Variants in APC2 observed in about 807,000 individuals in gnomAD.
The protein encoded by APC2 is adenomatous polyposis coli protein 2.
APC2 carries 41 observed loss-of-function variants against 72.5 expected under a neutral mutation model. The observed-to-expected ratio is 0.57, with a 90% CI of 0.44 to 0.73. The LOEUF is 0.73. Ranked by LOEUF, APC2 falls within the 30% of genes least tolerant of loss-of-function variation. The pLI, the probability that APC2 is intolerant of heterozygous loss-of-function variation, is 0.00. For synonymous variants in APC2, 1,898 were observed against 1,612.0 expected (o/e 1.18, Z -4.25); for missense variants, 3,729 against 3,403.4 (o/e 1.10, Z -2.38).
At chr19:1,462,269 TC>T in intron 14 of APC2, 92 bp downstream of exon 14, 1 of 1,166,176 alleles carries the variant, frequency 8.6e-7, no homozygotes, top group South Asian at 1.5e-5. Context: ...GAATGCATGC[TC>T]CCAAGGCTTC....
rs371045101 is a variant in APC2 at position 1,468,667 on chromosome 19, G to A, written c.5366G>A (p.Arg1789Gln). The A allele has an allele frequency of 1.5e-5, 23 of 1,579,950 alleles. No individual in the cohort carries two copies. Among genetic ancestry groups the A allele is most frequent in the East Asian group, 9.3e-5 (4 of 42,794 alleles). The change falls in exon 15 of 15, where the codon CGG becomes CAG. Residue 1789 changes from arginine (R) to glutamine (Q), a missense_variant. By Grantham distance (43) the Arg-to-Gln change is conservative (BLOSUM62 1). Transcript: ENST00000590469. Reference sequence around the variant, plus strand: ...ACGCCCGGGGTGCCAGCTGTGCTCCGGGGACGAACAGTGATCTACGTCCCC... The same window carrying A: ...ACGCCCGGGGTGCCAGCTGTGCTCCAGGGACGAACAGTGATCTACGTCCCC... ...KTTPGVPAVL[R>Q]GRTVIYVPSP...
At chr19:1,463,941 G>A (rs1408239460) in intron 14 of APC2, among the ~76,000 whole-genome samples, 3 of 152,184 alleles carry the variant, frequency 2.0e-5, no homozygotes, top group East Asian at 1.9e-4. Flanking sequence ...TTGGGAGGCC[G>A]AGGTGGGCGG....
upstream of APC2, among the ~76,000 whole-genome samples, chr19:1,446,543 C>T (rs2083689038): frequency 6.6e-6 from 1 of 151,852 alleles, no homozygotes; most frequent in Non-Finnish European, 1.5e-5. This position sits in a 1 kb window ranked among gnomAD's most constrained non-coding sequence, Gnocchi z 6.1. Context: ...GGATGGAAGC[C>T]CCTCTCGTGC....
chr19:1,457,936 G>C, intron 9 of APC2, 29 bp from the exon 10 acceptor site: 1 of 1,521,680 alleles, frequency 6.6e-7, no homozygotes. Context: ...CTGGGAATGG[G>C]GGCTCTGATC....
In APC2 at chr19:1,467,357, T is replaced by C; in HGVS notation, c.4056T>C (p.Pro1352=). 2 of 1,467,912 alleles carry C rather than the reference T, an allele frequency of 1.4e-6. No homozygotes were observed. The highest frequency in any genetic ancestry group is 1.8e-6 in the Non-Finnish European group (2 of 1,114,174). 90.9% of individuals were successfully genotyped at this position (1,467,912 alleles called of 1,614,324 possible). A position where few individuals can be genotyped will look rare whatever the true frequency, so the allele number is the denominator to read the frequency against. Residue 1352 remains proline (P), a synonymous_variant, in exon 15 of 15, where the codon CCT becomes CCC. Transcript: ENST00000590469. Reference sequence around the variant, plus strand: ...GGGAGTGCCTGGGAGCCGCCGTGCCTGCCCGGCTGCGCAAGGTGGCCTCCG... The same window carrying C: ...GGGAGTGCCTGGGAGCCGCCGTGCCCGCCCGGCTGCGCAAGGTGGCCTCCG... ...LLRECLGAAV[P]ARLRKVASAL...
At chr19:1,447,647 G>A (rs1012331127), upstream of APC2, among the ~76,000 whole-genome samples, 3 of 151,304 alleles carry the variant, frequency 2.0e-5, no homozygotes, top group African/African-American at 7.3e-5. Context: ...TTACAGGGTC[G>A]AGGATTTTAG....
chr19:1,458,255 G>A (rs2083869504), intron 10 of APC2, 195 bp downstream of exon 10: 3 of 605,052 alleles, frequency 5.0e-6, no homozygotes, highest in Non-Finnish European at 8.8e-6. Context: ...GTCCCCATGA[G>A]CTGCGTGTGG....
Position 1,457,023 on chromosome 19 carries a change from G to A in APC2, c.987G>A (p.Gly329=). 1 of 1,527,682 alleles carries A rather than the reference G, an allele frequency of 6.5e-7. No individual in the cohort carries two copies. Among genetic ancestry groups the A allele is most frequent in the Non-Finnish European group, 8.7e-7 (1 of 1,143,740 alleles). The allele number at this position is 1,527,682 out of a possible 1,614,324, so 94.6% of individuals were successfully genotyped here. A position where few individuals can be genotyped will look rare whatever the true frequency, so the allele number is the denominator to read the frequency against. ...QILHGTEAAA[G]GRAGAPGAPG... is the part of the protein sequence containing the mutation. ...TCCACGGCACCGAGGCCGCGGCCGG[G>A]GGTCGCGCCGGGGCCCCAGGGGCAC... The change falls in exon 9 of 15, where the codon GGG becomes GGA. Residue 329 remains glycine (G), a synonymous_variant. Transcript: ENST00000590469.
chr19:1,462,736 C>T (rs552152564), intron 14 of APC2, among the ~76,000 whole-genome samples: 27 of 150,544 alleles, frequency 1.8e-4, no homozygotes, highest in African/African-American at 2.5e-4. Flanking sequence ...TTTGGGAGGC[C>T]GAGGCGGGCG....
chr19:1,457,433 GC>G, intron 9 of APC2, 190 bp downstream of exon 9: 1 of 815,482 alleles, frequency 1.2e-6, no homozygotes, highest in Non-Finnish European at 1.8e-6. Context: ...ATCGTACCTG[GC>G]GCAGAGTAAA....
At position 1,470,017 on chromosome 19, in the gene APC2, C is replaced by T; in HGVS notation, c.6716C>T (p.Pro2239Leu). 1 of 1,552,344 alleles carries T rather than the reference C, an allele frequency of 6.4e-7. No homozygotes were observed. Among genetic ancestry groups the T allele is most frequent in the Middle Eastern group, 1.7e-4 (1 of 5,974 alleles). ...GACGGTCCCAGCCTCGCCAAGGCTC[C>T]CATCTCCGCACCCTTCGTGCACGAG... is the stretch of plus-strand genomic sequence containing the variant. ...DVDGPSLAKA[P>L]ISAPFVHEGL... The change falls in exon 15 of 15, where the codon CCC (proline) becomes CTC (leucine). Residue 2239 changes from proline (P) to leucine (L), a missense_variant. Pro to Leu is a moderately conservative substitution (Grantham distance 98, BLOSUM62 -3). Coordinates refer to ENST00000590469, the MANE Select transcript of APC2 (RefSeq NM_005883.3).
At position 1,467,989 on chromosome 19, in the gene APC2, G is replaced by A. The variant is rs771701939; in HGVS notation, c.4688G>A (p.Arg1563Gln). ...GCACCAGCTGCCCCGCCGCCCGCCC[G>A]GACCCAGCCCAGCCTCATTGCTGAC... is the stretch of plus-strand genomic sequence containing the variant. Reference protein sequence around the residue: ...KAAPAAPPPARTQPSLIADET... With the variant: ...KAAPAAPPPAQTQPSLIADET... The change falls in exon 15 of 15, where the codon CGG (arginine) becomes CAG (glutamine). Residue 1563 changes from arginine to glutamine, a missense_variant. Physicochemically the swap from Arg to Gln is conservative, Grantham distance 43 (BLOSUM62 1). Transcript: ENST00000590469. The A allele has an allele frequency of 1.4e-5, 22 of 1,581,260 alleles. No homozygotes were observed. The highest frequency in any genetic ancestry group is 2.2e-5 in the South Asian group (2 of 89,278).
chr19:1,460,984 G>C (rs963731716), intron 12 of APC2, 53 bp from the exon 13 acceptor site: 3 of 1,606,102 alleles, frequency 1.9e-6, no homozygotes, highest in Non-Finnish European at 1.7e-6. Flanking sequence ...TTGCTGGGGG[G>C]TTTGGGGGGC....
rs1325047379 is a variant in APC2, at chr19:1,461,813, C to G, written c.1639-150C>G. The G allele has an allele frequency of 6.1e-6, 4 of 658,708 alleles. No homozygotes were observed. The South Asian group carries it at 8.0e-5, about 13-fold the overall frequency. 40.8% of individuals were successfully genotyped at this position (658,708 alleles called of 1,614,324 possible). ...CCTGCAGTGAGTCGAGATCTCGCCA[C>G]TGCACTCCAGCCTGGGGGAGAGAGT... On this transcript the variant is annotated intron_variant, in intron 13 of 14. Coordinates refer to ENST00000590469, the MANE Select transcript of APC2 (RefSeq NM_005883.3).
chr19:1,464,431 C>T (rs1188611818), intron 14 of APC2, among the ~76,000 whole-genome samples: 2 of 152,034 alleles, frequency 1.3e-5, no homozygotes, highest in Non-Finnish European at 2.9e-5. Flanking sequence ...TGGCTCACGC[C>T]TGTAATCCCA....
At chr19:1,461,267 T>G in intron 13 of APC2, 114 bp downstream of exon 13, 1 of 907,518 alleles carries the variant, frequency 1.1e-6, no homozygotes, top group Non-Finnish European at 1.8e-6. Flanking sequence ...GCTCACTGCT[T>G]AGCGGGTGGT....
chr19:1,456,902 A>T lies in APC2; in HGVS notation c.866A>T (p.Glu289Val). Residue 289 changes from glutamate (E) to valine (V), a missense_variant, in exon 9 of 15, where the codon GAG becomes GTG. By Grantham distance (121) the Glu-to-Val change is moderately radical. Transcript: ENST00000590469. ...LLSMLATRDQ[E>V]DTARTLLAMS... ...TCCATGTTGGCGACGCGCGACCAGG[A>T]GGATACAGCGCGCACGCTGCTGGCC... The T allele has an allele frequency of 6.3e-7, 1 of 1,587,206 alleles. No individual in the cohort carries two copies. Among genetic ancestry groups the T allele is most frequent in the Non-Finnish European group, 8.5e-7 (1 of 1,174,070 alleles).
rs998272900 is a variant in APC2, at chr19:1,467,719, C to T, written c.4418C>T (p.Pro1473Leu). The change falls in exon 15 of 15, where the codon CCG becomes CTG. Residue 1473 changes from proline to leucine, a missense_variant. Coordinates refer to ENST00000590469, the MANE Select transcript of APC2 (RefSeq NM_005883.3). The part of the protein sequence containing the change: ...AGLELPLGRP[P>L]SAPADKDGSK... ...CTGGAGCTGCCCCTGGGCCGGCCCC[C>T]GAGCGCCCCCGCAGACAAGGACGGC... is the stretch of plus-strand genomic sequence containing the variant. The T allele has an allele frequency of 2.8e-6, 4 of 1,436,942 alleles. No individual in the cohort carries two copies. The African/African-American group carries it at 4.5e-5, about 16-fold the overall frequency. The allele number at this position is 1,436,942 out of a possible 1,614,324, so 89.0% of individuals were successfully genotyped here.
intron 13 of APC2, chr19:1,461,684 C>G (rs2083926445): frequency 4.4e-6 from 2 of 457,460 alleles, no homozygotes; most frequent in South Asian, 3.0e-5. Context: ...AACCCCGTCT[C>G]TACTAAAAAT....
Sources: allele counts gnomAD v4.1 joint callset (sites outside exome capture counted in the v4.1 genomes callset), GRCh38; gene constraint gnomAD v4.1.1; non-coding constraint Gnocchi (gnomAD v3.1); transcripts MANE v1.5; gene names NCBI Gene and HGNC (gene_info 2026-07-23, HGNC 2026-07-21).